Variants in RHPN2 observed in about 807,000 individuals in gnomAD.
RHPN2 encodes rhophilin Rho GTPase binding protein 2.
Under a neutral mutation model 79.0 loss-of-function variants are expected in RHPN2, and 40 were observed. The ratio of observed to expected loss-of-function variants is 0.51; its 90% CI spans 0.39 to 0.66. The LOEUF is 0.66. RHPN2 is among the 30% of genes least tolerant of loss of function. RHPN2 has a pLI of 0.00. For missense variants in RHPN2, 686 were observed against 883.5 expected, an observed-to-expected ratio of 0.78 and a Z score of 2.83; for synonymous variants, 285 against 363.5, an observed-to-expected ratio of 0.78 and a Z score of 2.46.
At chr19:33,027,264 A>C (rs1971976355) in intron 2 of RHPN2, 1 of 152,574 alleles carries the variant, frequency 6.6e-6, no homozygotes, top group Non-Finnish European at 1.5e-5. Flanking sequence ...AAAAAAAAAA[A>C]AAAAAAAGAA....
At chr19:32,991,709 A>G in intron 13 of RHPN2, 114 bp downstream of exon 13, 2 of 1,159,666 alleles carry the variant, frequency 1.7e-6, no homozygotes, top group Non-Finnish European at 1.3e-6. Flanking sequence ...TAGGGAATGT[A>G]GCACCCATGA....
At chr19:33,013,720 C>T (rs373398082) in intron 4 of RHPN2, among the ~76,000 whole-genome samples, 2 of 152,052 alleles carry the variant, frequency 1.3e-5, no homozygotes, top group South Asian at 2.1e-4. Context: ...CTCAGACTTG[C>T]AATTCTGGGC....
chr19:32,990,051 G>A (rs1156545764), intron 14 of RHPN2, among the ~76,000 whole-genome samples: 1 of 151,896 alleles, frequency 6.6e-6, no homozygotes, highest in Non-Finnish European at 1.5e-5. Context: ...CTTGCAGTGA[G>A]CCAAGATTGC....
At chr19:33,012,396 G>A (rs1324428793) in intron 5 of RHPN2, among the ~76,000 whole-genome samples, 1 of 151,786 alleles carries the variant, frequency 6.6e-6, no homozygotes, top group Non-Finnish European at 1.5e-5. Flanking sequence ...AGGATGGTCT[G>A]GAACTCCTGA....
intron 14 of RHPN2, among the ~76,000 whole-genome samples, chr19:32,983,095 C>CACA (rs1568307710): frequency 6.8e-6 from 1 of 147,160 alleles, no homozygotes; most frequent in Non-Finnish European, 1.5e-5. Context: ...CACACACACA[C>CACA]TCCTGCAATG....
chr19:33,039,555 C>T (rs1972083881), intron 2 of RHPN2, among the ~76,000 whole-genome samples: 2 of 151,982 alleles, frequency 1.3e-5, no homozygotes, highest in Non-Finnish European at 2.9e-5. Flanking sequence ...ATTCAACAAT[C>T]GGCCAGGCAC....
chr19:33,037,164 A>C (rs982127472), intron 2 of RHPN2, among the ~76,000 whole-genome samples: 4 of 152,186 alleles, frequency 2.6e-5, no homozygotes, highest in Non-Finnish European at 5.9e-5. Flanking sequence ...TAAACACACC[A>C]ATCAGCACCC....
intron 2 of RHPN2, among the ~76,000 whole-genome samples, chr19:33,035,255 C>T (rs1972047238): frequency 1.3e-5 from 2 of 152,184 alleles, no homozygotes; most frequent in Non-Finnish European, 2.9e-5. Context: ...GCGTGAGCCA[C>T]CACACCCAGC....
intron 4 of RHPN2, among the ~76,000 whole-genome samples, chr19:33,018,109 C>T (rs1283532567): frequency 7.9e-5 from 12 of 152,020 alleles, no homozygotes; most frequent in Admixed American, 3.3e-4. Context: ...GCCGAGATCA[C>T]GCCACTGCAC....
rs570028274 is a variant in RHPN2, at chr19:33,036,189, T to A, written c.185+8060A>T. ...AATATAGTAAGAAAGAAAATTAATT[T>A]TTTTTTTTTTTTTTGGTGACGGGAG... On this transcript the variant is annotated intron_variant, in intron 2 of 14. Coordinates refer to ENST00000254260, the MANE Select transcript of RHPN2 (RefSeq NM_033103.5). Among the ~76,000 whole-genome samples, 771 of 148,996 alleles carry A rather than the reference T, an allele frequency of 5.2e-3. 4 individuals are homozygous for A. Among genetic ancestry groups the A allele is most frequent in the African/African-American group, 0.018 (720 of 41,114 alleles).
intron 1 of RHPN2, among the ~76,000 whole-genome samples, chr19:33,053,671 C>T (rs992026582): frequency 6.6e-6 from 1 of 151,978 alleles, no homozygotes; most frequent in Non-Finnish European, 1.5e-5. Flanking sequence ...ATCCACCTGC[C>T]TTGGCCTCCA....
At chr19:33,018,409 TC>T (rs1389639499) in intron 4 of RHPN2, among the ~76,000 whole-genome samples, 1 of 152,152 alleles carries the variant, frequency 6.6e-6, no homozygotes, top group Non-Finnish European at 1.5e-5. Flanking sequence ...CCTCAAGCTG[TC>T]CTCTTGCCTC....
At chr19:32,981,598 T>C (rs1971575518) in intron 14 of RHPN2, among the ~76,000 whole-genome samples, 1 of 151,920 alleles carries the variant, frequency 6.6e-6, no homozygotes, top group South Asian at 2.1e-4. Context: ...CTAGAGATGA[T>C]GTACAAGTAT....
In RHPN2 at chr19:33,053,280, C is replaced by T. The variant is rs540543855; in HGVS notation, c.70-8916G>A. 1.1e-4 allele frequency among the ~76,000 whole-genome samples: 17 copies of T among 151,866 alleles called. No individual in the cohort carries two copies. In the South Asian group the frequency reaches 1.7e-3, roughly 15 times the overall value. Reference sequence around the variant, plus strand: ...TTAGGATTACAGGTGTGAGCCACTGCGCCCAGCCTTGAATAACTAGGCTTT... The same window carrying T: ...TTAGGATTACAGGTGTGAGCCACTGTGCCCAGCCTTGAATAACTAGGCTTT... On this transcript the variant is annotated intron_variant, in intron 1 of 14. Coordinates refer to ENST00000254260, the MANE Select transcript of RHPN2 (RefSeq NM_033103.5).
At chr19:33,034,024 C>CTTTTTTTTTTTTA in intron 2 of RHPN2, among the ~76,000 whole-genome samples, 1 of 121,120 alleles carries the variant, frequency 8.3e-6, no homozygotes, top group East Asian at 2.8e-4. Flanking sequence ...CTTGGCAAAA[C>CTTTTTTTTTTTTA]ATTTTTTTTT....
At chr19:32,993,125 A>AC (rs397693857) in intron 12 of RHPN2, among the ~76,000 whole-genome samples, 1 of 151,418 alleles carries the variant, frequency 6.6e-6, no homozygotes, top group East Asian at 1.9e-4. Flanking sequence ...CTCTAAAAAA[A>AC]CTAAAAAATA....
chr19:32,992,592 C>T (rs1046761689), intron 12 of RHPN2, among the ~76,000 whole-genome samples: 3 of 152,072 alleles, frequency 2.0e-5, no homozygotes, highest in Non-Finnish European at 4.4e-5. Flanking sequence ...AAGGATCGCT[C>T]GAGGCCAGGG....
intron 3 of RHPN2, among the ~76,000 whole-genome samples, chr19:33,023,801 A>G (rs1482805168): frequency 1.4e-5 from 2 of 146,796 alleles, no homozygotes; most frequent in African/African-American, 5.1e-5. Flanking sequence ...AAAAAAAAAG[A>G]AAAAAAAGAA....
At chr19:33,013,919 G>A (rs1381204363) in intron 4 of RHPN2, among the ~76,000 whole-genome samples, 3 of 150,456 alleles carry the variant, frequency 2.0e-5, no homozygotes, top group Non-Finnish European at 3.0e-5. Flanking sequence ...TTGTTGCCTC[G>A]GCTGGAGTGC....
Sources: allele counts gnomAD v4.1 joint callset (sites outside exome capture counted in the v4.1 genomes callset), GRCh38; gene constraint gnomAD v4.1.1; transcripts MANE v1.5; gene names NCBI Gene and HGNC (gene_info 2026-07-23, HGNC 2026-07-21).